Variants in MACROD2 observed in about 807,000 individuals in gnomAD.
The protein encoded by MACROD2 is mono-ADP ribosylhydrolase 2, also known as ADP-ribose glycohydrolase MACROD2.
Under a neutral mutation model 70.4 loss-of-function variants are expected in MACROD2, and 36 were observed. That is an observed-to-expected ratio of 0.51 (90% confidence interval 0.39 to 0.68). The LOEUF is 0.68. Ranked by LOEUF, MACROD2 falls within the 30% of genes least tolerant of loss-of-function variation. The probability of loss-of-function intolerance (pLI) is 0.00; values close to 1 mark genes in which losing one functional copy is unlikely to be tolerated. For synonymous variants in MACROD2, 172 were observed against 178.8 expected, an observed-to-expected ratio of 0.96 and a Z score of 0.30; for missense variants, 496 against 538.4, an observed-to-expected ratio of 0.92 and a Z score of 0.78.
chr20:15,238,860 G>A (rs2077036392), intron 6 of MACROD2, among the ~76,000 whole-genome samples: 1 of 152,088 alleles, frequency 6.6e-6, no homozygotes, highest in Admixed American at 6.6e-5. Flanking sequence ...ATCATTATTG[G>A]TTTCTACAAC....
At chr20:14,804,524 G>C (rs569373331) in intron 5 of MACROD2, among the ~76,000 whole-genome samples, 1 of 152,064 alleles carries the variant, frequency 6.6e-6, no homozygotes, top group African/African-American at 2.4e-5. Flanking sequence ...AACAACATAG[G>C]TCCATGGAAA....
intron 5 of MACROD2, among the ~76,000 whole-genome samples, chr20:15,004,463 T>C (rs2075020278): frequency 6.6e-6 from 1 of 152,156 alleles, no homozygotes; most frequent in African/African-American, 2.4e-5. Flanking sequence ...TATCATCAAT[T>C]ATACTAAGTA....
chr20:15,370,143 A>G (rs2045471773), intron 6 of MACROD2, among the ~76,000 whole-genome samples: 1 of 152,136 alleles, frequency 6.6e-6, no homozygotes, highest in Admixed American at 6.5e-5. Context: ...GAAACCAAGA[A>G]TGGAATACTT....
intron 6 of MACROD2, among the ~76,000 whole-genome samples, chr20:15,273,439 G>C (rs1057512481): frequency 1.3e-5 from 2 of 148,774 alleles, no homozygotes; most frequent in Admixed American, 1.3e-4. Context: ...TATATATGAA[G>C]GATATATACA....
intron 5 of MACROD2, among the ~76,000 whole-genome samples, chr20:15,210,434 A>G (rs2076751859): frequency 1.3e-5 from 2 of 152,094 alleles, no homozygotes; most frequent in Admixed American, 6.5e-5. Context: ...TTCTGGGCAC[A>G]GTCAATATCA....
chr20:14,370,227 TATC>T (rs1301070649), intron 3 of MACROD2, among the ~76,000 whole-genome samples: 4 of 152,166 alleles, frequency 2.6e-5, no homozygotes, highest in Admixed American at 2.0e-4. Context: ...ATAATTGAAT[TATC>T]ATGTTATATA....
intron 6 of MACROD2, among the ~76,000 whole-genome samples, chr20:15,258,671 C>G (rs2077221614): frequency 2.0e-5 from 3 of 152,026 alleles, no homozygotes; most frequent in Admixed American, 2.0e-4. Flanking sequence ...AACATATCCC[C>G]ATCATTAACC....
intron 7 of MACROD2, among the ~76,000 whole-genome samples, chr20:15,488,331 G>A (rs2047186636): frequency 6.6e-6 from 1 of 152,126 alleles, no homozygotes; most frequent in Non-Finnish European, 1.5e-5. Flanking sequence ...CACAGGATCA[G>A]GCAGGTATTT....
intron 6 of MACROD2, among the ~76,000 whole-genome samples, chr20:15,297,886 A>G (rs533182560): frequency 1.3e-5 from 2 of 152,142 alleles, no homozygotes; most frequent in Non-Finnish European, 2.9e-5. Flanking sequence ...CAAACATTTT[A>G]TTTTATATAA....
At chr20:15,337,324 G>A (rs1225328245) in intron 6 of MACROD2, among the ~76,000 whole-genome samples, 1 of 151,574 alleles carries the variant, frequency 6.6e-6, no homozygotes, top group Non-Finnish European at 1.5e-5. Flanking sequence ...GAGAGTCTAG[G>A]GCAAAAGGCT....
At chr20:14,491,495 G>A (rs1312573034) in intron 3 of MACROD2, among the ~76,000 whole-genome samples, 1 of 152,184 alleles carries the variant, frequency 6.6e-6, no homozygotes, top group African/African-American at 2.4e-5. Flanking sequence ...TAGTTCTATA[G>A]CGAAGTTAAA....
intron 4 of MACROD2, among the ~76,000 whole-genome samples, chr20:14,545,542 C>G (rs1204603183): frequency 6.6e-6 from 1 of 152,150 alleles, no homozygotes; most frequent in African/African-American, 2.4e-5. Context: ...GGCAAGAAAG[C>G]AAGTGAGATC....
intron 7 of MACROD2, among the ~76,000 whole-genome samples, chr20:15,487,971 A>G (rs528649567): frequency 4.9e-4 from 74 of 152,250 alleles, no homozygotes; most frequent in Non-Finnish European, 9.1e-4. Flanking sequence ...TGTGCCTGTG[A>G]GAGCATAAAA....
At chr20:14,337,366 C>A in intron 3 of MACROD2, 26 of 281,744 alleles carry the variant, frequency 9.2e-5, no homozygotes, top group Middle Eastern at 1.0e-3. Flanking sequence ...AGCAAACTTT[C>A]TGGGACAATC....
chr20:15,140,247 G>T (rs1743475), intron 5 of MACROD2, among the ~76,000 whole-genome samples: 1 of 151,870 alleles, frequency 6.6e-6, no homozygotes, highest in African/African-American at 2.4e-5. Context: ...AGTCATGCCA[G>T]CATAAGAACT....
chr20:14,932,129 C>G (rs1312964357), intron 5 of MACROD2, among the ~76,000 whole-genome samples: 1 of 152,130 alleles, frequency 6.6e-6, no homozygotes, highest in African/African-American at 2.4e-5. Flanking sequence ...GGCTGTGCCC[C>G]TGGTTCCGGG....
intron 8 of MACROD2, among the ~76,000 whole-genome samples, chr20:15,835,459 T>C (rs567120654): frequency 2.6e-5 from 4 of 152,228 alleles, no homozygotes; most frequent in Admixed American, 2.6e-4. Context: ...ATTATTAATG[T>C]ATTAGCACCA....
chr20:15,232,754 G>A (rs938975368), intron 6 of MACROD2, among the ~76,000 whole-genome samples: 7 of 151,856 alleles, frequency 4.6e-5, no homozygotes, highest in Non-Finnish European at 1.0e-4. Context: ...TAAACAACAG[G>A]GAAATGTCCA....
At chr20:15,744,444 C>T (rs1317566003) in intron 8 of MACROD2, among the ~76,000 whole-genome samples, 1 of 152,110 alleles carries the variant, frequency 6.6e-6, no homozygotes, top group East Asian at 1.9e-4. Flanking sequence ...AAGCTTACTG[C>T]ATAAGTAAAG....
Sources: allele counts gnomAD v4.1 joint callset (sites outside exome capture counted in the v4.1 genomes callset), GRCh38; gene constraint gnomAD v4.1.1; transcripts MANE v1.5; gene names NCBI Gene and HGNC (gene_info 2026-07-23, HGNC 2026-07-21).